Variants in NCOA1 observed in about 807,000 individuals in gnomAD.
NCOA1 encodes Hin-2 protein.
NCOA1 carries 35 observed loss-of-function variants against 150.9 expected under a neutral mutation model. The ratio of observed to expected loss-of-function variants is 0.23; its 90% CI spans 0.18 to 0.31. The LOEUF (loss-of-function observed/expected upper bound fraction) is 0.31, where lower values mean the gene tolerates loss of function less well. Ranked by LOEUF, NCOA1 falls within the 10% of genes least tolerant of loss-of-function variation. NCOA1 has a pLI of 1.00. For missense variants in NCOA1, 1,491 were observed against 1,749.3 expected (o/e 0.85, Z 2.63); for synonymous variants, 590 against 630.0 (o/e 0.94, Z 0.95).
intron 1 of NCOA1, among the ~76,000 whole-genome samples, chr2:24,554,086 C>G (rs1231713644): frequency 6.6e-6 from 1 of 152,086 alleles, no homozygotes; most frequent in South Asian, 2.1e-4. Context: ...TGTGGCTTCT[C>G]TCTTTTTTTG....
chr2:24,582,644 G>A (rs1667242218), intron 2 of NCOA1, among the ~76,000 whole-genome samples: 2 of 152,000 alleles, frequency 1.3e-5, no homozygotes, highest in Admixed American at 1.3e-4. Context: ...CCCCAAATAG[G>A]CAAAGAATTC....
chr2:24,768,479 C>CAGA lies in NCOA1; in HGVS notation c.*89_*90insGAA. On this transcript the variant is annotated 3_prime_UTR_variant, in exon 23 of 23. Coordinates refer to ENST00000348332, the MANE Select transcript of NCOA1 (RefSeq NM_003743.5). Reference sequence around the variant, plus strand: ...TATTTTTCTGAGATTTTTGATATCTCAATCTGCAGCCATTCTTCAGGTCGT... The same window carrying CAGA: ...TATTTTTCTGAGATTTTTGATATCTCAGAAATCTGCAGCCATTCTTCAGGTCGT... 1 of 258,160 alleles carries CAGA rather than the reference C, an allele frequency of 3.9e-6. No homozygotes were observed. The highest frequency in any genetic ancestry group is 6.0e-6 in the Non-Finnish European group (1 of 167,766). The allele number at this position is 258,160 out of a possible 1,614,324, so 16.0% of individuals were successfully genotyped here. A position where few individuals can be genotyped will look rare whatever the true frequency, so the allele number is the denominator to read the frequency against.
At chr2:24,626,544 G>A (rs973938341) in intron 3 of NCOA1, among the ~76,000 whole-genome samples, 2 of 152,306 alleles carry the variant, frequency 1.3e-5, no homozygotes, top group Non-Finnish European at 2.9e-5. Flanking sequence ...CTGGGAAAGT[G>A]GTAGTATGGT....
intron 3 of NCOA1, among the ~76,000 whole-genome samples, chr2:24,596,642 T>A (rs1667898192): frequency 6.6e-6 from 1 of 152,186 alleles, no homozygotes; most frequent in African/African-American, 2.4e-5. Context: ...TTTTTATATT[T>A]AGTAATATAA....
intron 1 of NCOA1, among the ~76,000 whole-genome samples, chr2:24,550,380 T>A (rs1407630013): frequency 1.3e-5 from 2 of 152,172 alleles, no homozygotes; most frequent in African/African-American, 4.8e-5. Context: ...GACTTACATT[T>A]CCACGTGGCT....
At chr2:24,727,138 CAA>C (rs755486331) in intron 15 of NCOA1, among the ~76,000 whole-genome samples, 50 of 43,246 alleles carry the variant, frequency 1.2e-3, no homozygotes, top group Middle Eastern at 0.012. Flanking sequence ...AACTCTGTCT[CAA>C]AAAAAAAAAA....
At chr2:24,513,435 T>G (rs13026410) in intron 1 of NCOA1, among the ~76,000 whole-genome samples, 1,786 of 152,306 alleles carry the variant, frequency 0.012, 23 homozygotes, top group East Asian at 0.058. Flanking sequence ...AATTTCTATT[T>G]CATGGCTACA....
intron 3 of NCOA1, among the ~76,000 whole-genome samples, chr2:24,642,007 C>CGTGTGTGTGTGTGTGTGT (rs58991961): frequency 1.3e-3 from 193 of 145,020 alleles, no homozygotes; most frequent in African/African-American, 3.0e-3. Flanking sequence ...TTACAGAGGG[C>CGTGTGTGTGTGTGTGTGT]GTGTGTGTGT....
chr2:24,761,085 T>G (rs866542537), intron 21 of NCOA1, among the ~76,000 whole-genome samples: 1 of 152,184 alleles, frequency 6.6e-6, no homozygotes, highest in Non-Finnish European at 1.5e-5. Context: ...TGACCTCAGG[T>G]GATCTGCCCA....
At chr2:24,648,736 T>A (rs1293431042) in intron 4 of NCOA1, among the ~76,000 whole-genome samples, 3 of 152,218 alleles carry the variant, frequency 2.0e-5, no homozygotes, top group East Asian at 1.9e-4. Context: ...CTTTGGTACT[T>A]CTTCTACCAT....
intron 3 of NCOA1, among the ~76,000 whole-genome samples, chr2:24,589,656 TGTGTGTGTATGAAA>T (rs1305131266): frequency 6.7e-6 from 1 of 148,814 alleles, no homozygotes; most frequent in African/African-American, 2.6e-5. Flanking sequence ...TGTGTGTGTG[TGTGTGTGTATGAAA>T]GTGTGTGTGT....
chr2:24,739,623 G>A (rs1347708414), intron 18 of NCOA1, 90 bp downstream of exon 18: 12 of 901,698 alleles, frequency 1.3e-5, no homozygotes, highest in Non-Finnish European at 2.1e-5. Flanking sequence ...GAAATGGTCT[G>A]TGAGCTGATC....
chr2:24,674,027 C>T (rs1363290979), intron 7 of NCOA1, among the ~76,000 whole-genome samples: 1 of 110,420 alleles, frequency 9.1e-6, no homozygotes. Context: ...CTAATCTTTA[C>T]TCCCTGCATT....
Position 24,707,545 on chromosome 2 carries a change from G to T in NCOA1, c.2075G>T (p.Arg692Leu). 6.2e-7 allele frequency: 1 copy of T among 1,614,092 alleles called. No individual in the cohort carries two copies. The highest frequency in any genetic ancestry group is 8.5e-7 in the Non-Finnish European group (1 of 1,180,026). Residue 692 changes from arginine (R) to leucine (L), a missense_variant, in exon 13 of 23, where the codon CGG becomes CTG. By Grantham distance (102) the Arg-to-Leu change is moderately radical. Transcript: ENST00000348332. Reference protein sequence around the residue: ...SLTERHKILHRLLQEGSPSDI... With the variant: ...SLTERHKILHLLLQEGSPSDI... ...ACAGAACGGCATAAAATTCTACACC[G>T]GCTCTTACAGGAGGGTAGCCCCTCA...
chr2:24,666,256 C>T (rs939022894), intron 6 of NCOA1, among the ~76,000 whole-genome samples: 5 of 151,958 alleles, frequency 3.3e-5, no homozygotes, highest in African/African-American at 4.8e-5. Context: ...CCTCGTGATC[C>T]GCCCACCTCA....
intron 2 of NCOA1, among the ~76,000 whole-genome samples, chr2:24,579,870 C>T (rs1051504006): frequency 9.2e-5 from 14 of 152,130 alleles, no homozygotes; most frequent in Admixed American, 5.2e-4. Context: ...TATTAGCTCC[C>T]GCTGCCAACC....
At chr2:24,593,701 T>C (rs1041204393) in intron 3 of NCOA1, among the ~76,000 whole-genome samples, 2 of 152,178 alleles carry the variant, frequency 1.3e-5, no homozygotes, top group Admixed American at 6.5e-5. Context: ...ACAAGTTATA[T>C]GCCTGGTGTC....
intron 7 of NCOA1, among the ~76,000 whole-genome samples, chr2:24,675,622 C>T (rs1261351627): frequency 6.6e-6 from 1 of 152,224 alleles, no homozygotes; most frequent in Admixed American, 6.5e-5. Flanking sequence ...CGGTGCATCA[C>T]GCCTATAATC....
chr2:24,612,700 A>G (rs2148388439), intron 3 of NCOA1, among the ~76,000 whole-genome samples: 1 of 152,198 alleles, frequency 6.6e-6, no homozygotes, highest in South Asian at 2.1e-4. Context: ...TTTCCCTAAT[A>G]TTTTGAAATT....
Sources: gnomAD v4.1 joint callset for allele counts (sites outside exome capture counted in the v4.1 genomes callset) on GRCh38, gnomAD v4.1.1 for gene constraint, MANE v1.5 for transcripts, NCBI Gene and HGNC (gene_info 2026-07-23, HGNC 2026-07-21) for gene names.